CDH12: variants seen among roughly 807,000 people sequenced by gnomAD.
The protein encoded by CDH12 is cadherin-12.
Under a neutral mutation model 74.1 loss-of-function variants are expected in CDH12, and 41 were observed. That is an observed-to-expected ratio of 0.55 (90% CI 0.43 to 0.72). The LOEUF is 0.72. Ranked by LOEUF, CDH12 falls within the 30% of genes least tolerant of loss-of-function variation. The probability of loss-of-function intolerance (pLI) is 0.00; values close to 1 mark genes in which losing one functional copy is unlikely to be tolerated. For synonymous variants in CDH12, 399 were observed against 355.0 expected (o/e 1.12, Z -1.39); for missense variants, 945 against 977.2 (o/e 0.97, Z 0.44).
At chr5:21,912,656 G>C (rs7720511) in intron 6 of CDH12, among the ~76,000 whole-genome samples, 25,996 of 152,074 alleles carry the variant, frequency 0.17, 2,728 homozygotes, top group African/African-American at 0.28. Context: ...TGACTAGACA[G>C]TAGAATCATT....
chr5:21,847,882 G>C (rs886975099), intron 7 of CDH12, among the ~76,000 whole-genome samples: 2 of 152,004 alleles, frequency 1.3e-5, no homozygotes, highest in African/African-American at 4.8e-5. Context: ...TATTCTGTTT[G>C]TTTTATGTTT....
intron 3 of CDH12, among the ~76,000 whole-genome samples, chr5:22,308,285 G>A (rs2150425590): frequency 6.6e-6 from 1 of 152,204 alleles, no homozygotes; most frequent in Non-Finnish European, 1.5e-5. Flanking sequence ...ATTTTAATGG[G>A]TGTTTTCCAT....
rs1739791003 is a variant in CDH12, at chr5:22,652,397, A to T, written c.-522-147033T>A. ...TATCAAGGACTTAGCATGTCACCAGAAGCATCAATCAAAATTGATTACATA... is the reference window on the plus strand; with the variant it reads ...TATCAAGGACTTAGCATGTCACCAGTAGCATCAATCAAAATTGATTACATA... On this transcript the variant is annotated intron_variant, in intron 1 of 14. Transcript: ENST00000382254. Among the ~76,000 whole-genome samples, 4 of 152,146 alleles carry T rather than the reference A, an allele frequency of 2.6e-5. No homozygotes were observed. In the South Asian group the frequency reaches 8.3e-4, roughly 32 times the overall value.
intron 1 of CDH12, among the ~76,000 whole-genome samples, chr5:22,819,982 T>C (rs1369446656): frequency 6.9e-6 from 1 of 145,896 alleles, no homozygotes; most frequent in Non-Finnish European, 1.5e-5. Flanking sequence ...CATATACATA[T>C]ATATACATAT....
At chr5:22,840,208 C>A (rs933786703) in intron 1 of CDH12, among the ~76,000 whole-genome samples, 41 of 152,136 alleles carry the variant, frequency 2.7e-4, no homozygotes, top group African/African-American at 9.4e-4. Context: ...GCAACCTCTG[C>A]CTCCTGGGTT....
At chr5:21,781,770 T>C (rs902372487) in intron 11 of CDH12, among the ~76,000 whole-genome samples, 1 of 151,344 alleles carries the variant, frequency 6.6e-6, no homozygotes, top group Non-Finnish European at 1.5e-5. Flanking sequence ...ATTGGCACTA[T>C]ATTCATAGAG....
rs1395981210 is a variant in CDH12 at position 21,802,192 on chromosome 5, G to C, written c.1231C>G (p.Leu411Val). 1 of 1,613,754 alleles carries C rather than the reference G, an allele frequency of 6.2e-7. No individual in the cohort carries two copies. Among genetic ancestry groups the C allele is most frequent in the East Asian group, 2.2e-5 (1 of 44,774 alleles). ...CTAACAGCACTGCTGCCTACATCCA[G>C]GTCTTGAGCAGTGACAGCGCCAATG... is the stretch of plus-strand genomic sequence containing the variant. ...TIIGAVTAQD[L>V]DVGSSAVRYF... is the part of the protein sequence containing the mutation. The change falls in exon 10 of 15, where the codon CTG becomes GTG. Residue 411 changes from leucine to valine, a missense_variant. This residue lies in a region of CDH12 where 791 missense variants were observed against 792.8 expected (regional missense o/e 1.00). Transcript: ENST00000382254.
rs369290547 is a variant in CDH12 at position 22,118,711 on chromosome 5, C to T, written c.-186-39849G>A. Among the ~76,000 whole-genome samples, 9 of 152,118 alleles carry T rather than the reference C, an allele frequency of 5.9e-5. No individual in the cohort carries two copies. The East Asian group carries it at 1.2e-3, about 20-fold the overall frequency. On this transcript the variant is annotated intron_variant, in intron 4 of 14. Coordinates refer to ENST00000382254, the MANE Select transcript of CDH12 (RefSeq NM_004061.5). ...CACTTCCAAAAAATATTGTCTCCCT[C>T]TTTCTCTCAATTATGCACAGACTTC...
intron 6 of CDH12, among the ~76,000 whole-genome samples, chr5:21,928,032 AC>A (rs1754668018): frequency 6.6e-6 from 1 of 152,096 alleles, no homozygotes; most frequent in South Asian, 2.1e-4. Flanking sequence ...AGATCTCGCC[AC>A]TGTGCTCCAG....
At chr5:22,662,422 G>A (rs1449920610) in intron 1 of CDH12, among the ~76,000 whole-genome samples, 1 of 152,082 alleles carries the variant, frequency 6.6e-6, no homozygotes, top group African/African-American at 2.4e-5. Flanking sequence ...AATGTGGTTT[G>A]GTAGCAATGG....
At chr5:21,782,188 C>T (rs150868898) in intron 11 of CDH12, among the ~76,000 whole-genome samples, 329 of 152,220 alleles carry the variant, frequency 2.2e-3, no homozygotes, top group Non-Finnish European at 3.5e-3. Context: ...ACCTGAGCAC[C>T]GCAACGTGGC....
At chr5:22,188,718 T>G (rs1376287675) in intron 4 of CDH12, among the ~76,000 whole-genome samples, 2 of 152,156 alleles carry the variant, frequency 1.3e-5, no homozygotes, top group African/African-American at 2.4e-5. Context: ...GCTAGGGATG[T>G]TTCATTATCC....
At chr5:22,748,606 C>A (rs537916143) in intron 1 of CDH12, among the ~76,000 whole-genome samples, 1 of 152,206 alleles carries the variant, frequency 6.6e-6, no homozygotes, top group East Asian at 1.9e-4. Flanking sequence ...AAGAAAAGCA[C>A]ACTTTTAAGA....
chr5:22,782,049 T>TAA (rs1747409685), intron 1 of CDH12, among the ~76,000 whole-genome samples: 1 of 152,172 alleles, frequency 6.6e-6, no homozygotes, highest in South Asian at 2.1e-4. Flanking sequence ...TACCCCACAT[T>TAA]GTATTGTTGA....
chr5:22,437,158 G>A (rs1744431761), intron 2 of CDH12, among the ~76,000 whole-genome samples: 1 of 151,742 alleles, frequency 6.6e-6, no homozygotes, highest in Admixed American at 6.6e-5. Flanking sequence ...TTCTTCAAGA[G>A]TCTTAATGAA....
chr5:22,087,928 T>C (rs1743174571), intron 4 of CDH12, among the ~76,000 whole-genome samples: 1 of 151,996 alleles, frequency 6.6e-6, no homozygotes, highest in Non-Finnish European at 1.5e-5. Flanking sequence ...CAGCTCAGAG[T>C]AAGTTTGGAG....
intron 5 of CDH12, among the ~76,000 whole-genome samples, chr5:22,003,155 C>T (rs1416357294): frequency 6.6e-6 from 1 of 151,762 alleles, no homozygotes; most frequent in Admixed American, 6.6e-5. Flanking sequence ...TAATTCTTGC[C>T]TTATATAATA....
chr5:22,238,187 C>T (rs1359444215), intron 3 of CDH12, among the ~76,000 whole-genome samples: 2 of 152,186 alleles, frequency 1.3e-5, no homozygotes, highest in South Asian at 2.1e-4. Context: ...CACAGCTATA[C>T]ACCTGCTATA....
chr5:22,635,757 T>A (rs752361716), intron 1 of CDH12, among the ~76,000 whole-genome samples: 1 of 151,808 alleles, frequency 6.6e-6, no homozygotes, highest in African/African-American at 2.4e-5. Flanking sequence ...CTACTGAAAA[T>A]ACAAAAATTA....
Sources: allele counts gnomAD v4.1 joint callset (sites outside exome capture counted in the v4.1 genomes callset), GRCh38; gene constraint gnomAD v4.1.1; regional missense constraint gnomAD v4.1.1; transcripts MANE v1.5; gene names NCBI Gene and HGNC (gene_info 2026-07-23, HGNC 2026-07-21).